The following DMD variants were observed in gnomAD, a reference collection of about 807,000 sequenced individuals.
DMD encodes dystrophin.
In DMD, 63 loss-of-function variants were observed where a neutral mutation model predicts 330.1. That is an observed-to-expected ratio of 0.19 (90% CI 0.16 to 0.24). DMD has a LOEUF of 0.24. Among genes scored for constraint, DMD ranks in the 10% least tolerant of loss-of-function variants. DMD has a pLI of 1.00. For synonymous variants in DMD, 1,223 were observed against 959.8 expected (o/e 1.27, Z -5.07); for missense variants, 3,344 against 2,684.1 (o/e 1.25, Z -5.43).
At chrX:32,342,725 A>T (rs915295541) in intron 40 of DMD, 18 of 271,243 alleles carry the variant, frequency 6.6e-5, no homozygotes, top group African/African-American at 4.2e-4. Flanking sequence ...ACAGAAAAAA[A>T]CATATTTAGA....
intron 34 of DMD, among the ~76,000 whole-genome samples, chrX:32,365,562 G>T (rs906929889): frequency 1.8e-5 from 2 of 111,189 alleles, no homozygotes; most frequent in African/African-American, 6.5e-5. Flanking sequence ...CTACAGTATG[G>T]TGCTACTGTA....
chrX:32,147,064 CAAT>C (rs1284666052), intron 44 of DMD, among the ~76,000 whole-genome samples: 3 of 111,666 alleles, frequency 2.7e-5, no homozygotes, highest in Admixed American at 1.9e-4. Context: ...TGATGTAAGT[CAAT>C]AATAATTCCT....
intron 7 of DMD, among the ~76,000 whole-genome samples, chrX:32,777,132 T>A (rs1334491526): frequency 1.9e-5 from 2 of 107,915 alleles, no homozygotes; most frequent in African/African-American, 6.8e-5. Flanking sequence ...TTAGATTTTC[T>A]CAATTAAAAA....
intron 2 of DMD, among the ~76,000 whole-genome samples, chrX:32,870,848 T>C (rs2082898440): frequency 9.2e-6 from 1 of 108,225 alleles, no homozygotes; most frequent in Non-Finnish European, 1.9e-5. Flanking sequence ...AGCAATACCA[T>C]TCAGGATATA....
At chrX:31,510,530 C>G (rs1269494713) in intron 55 of DMD, among the ~76,000 whole-genome samples, 1 of 73,106 alleles carries the variant, frequency 1.4e-5, no homozygotes, top group South Asian at 6.8e-4. Flanking sequence ...TTTTTTGAGA[C>G]AGAGTCTCGC....
intron 1 of DMD, among the ~76,000 whole-genome samples, chrX:33,156,625 G>A (rs2048519015): frequency 8.9e-6 from 1 of 111,857 alleles, no homozygotes; most frequent in Non-Finnish European, 1.9e-5. Flanking sequence ...AGGAAAGAAT[G>A]GGTGTTTCAA....
chrX:32,827,989 G>A (rs1351230604), intron 4 of DMD, among the ~76,000 whole-genome samples: 1 of 111,239 alleles, frequency 9.0e-6, no homozygotes, highest in African/African-American at 3.3e-5. Flanking sequence ...GAGAACATGT[G>A]ATATTTGGTT....
chrX:32,888,634 T>TAC (rs1203485591), intron 2 of DMD, among the ~76,000 whole-genome samples: 3 of 111,711 alleles, frequency 2.7e-5, no homozygotes, highest in Non-Finnish European at 5.6e-5. Flanking sequence ...AGAACTACCA[T>TAC]ACAATCCAGC....
chrX:31,189,421 C>T (rs777488374), intron 67 of DMD, among the ~76,000 whole-genome samples: 55 of 111,366 alleles, frequency 4.9e-4, no homozygotes, highest in Non-Finnish European at 9.2e-4. Context: ...AACGCATATC[C>T]GCAGGTTTCA....
At chrX:32,110,467 T>C (rs1312478956) in intron 44 of DMD, among the ~76,000 whole-genome samples, 1 of 112,135 alleles carries the variant, frequency 8.9e-6, no homozygotes, top group Admixed American at 9.5e-5. Flanking sequence ...ATAGTCAATG[T>C]TGAAGTCATA....
chrX:32,244,176 A>G (rs969773429), intron 43 of DMD, among the ~76,000 whole-genome samples: 1 of 95,397 alleles, frequency 1.0e-5, no homozygotes, highest in Non-Finnish European at 2.1e-5. Flanking sequence ...TCATTGTTCA[A>G]TTCCCACCCC....
intron 2 of DMD, among the ~76,000 whole-genome samples, chrX:32,923,910 T>C (rs1167669413): frequency 8.9e-6 from 1 of 111,770 alleles, no homozygotes; most frequent in Non-Finnish European, 1.9e-5. Context: ...CACTTTTAAT[T>C]ATAGAAAATG....
chrX:32,787,213 AGTGTGTGTGTGTGTGT>A (rs72078806), intron 7 of DMD, among the ~76,000 whole-genome samples: 2 of 83,378 alleles, frequency 2.4e-5, no homozygotes, highest in East Asian at 8.1e-4. Context: ...CTCTCTGTCA[AGTGTGTGTGTGTGTGT>A]GTGTGTGTGT....
Position 32,364,667 on chromosome X carries a change from T to A in DMD, c.5069A>T (p.His1690Leu), listed in dbSNP as rs2097848220. Residue 1690 changes from histidine (H) to leucine (L), a missense_variant, in exon 36 of 79, where the codon CAC becomes CTC. Physicochemically the swap from His to Leu is moderately conservative, Grantham distance 99 (BLOSUM62 -3). Transcript: ENST00000357033. ...AGCCTGAATGATCCACTTTGTGATGTGGTCCACATTCTGGTCAAAAGTTTC... is the reference window on the plus strand; with the variant it reads ...AGCCTGAATGATCCACTTTGTGATGAGGTCCACATTCTGGTCAAAAGTTTC... ...HMETFDQNVD[H>L]ITKWIIQADT... 1.7e-6 allele frequency: 2 copies of A among 1,209,795 alleles called. No individual in the cohort carries two copies. Among genetic ancestry groups the A allele is most frequent in the East Asian group, 5.9e-5 (2 of 33,771 alleles).
Position 31,190,968 on chromosome X carries a change from T to C in DMD, c.9808-8064A>G, listed in dbSNP as rs1049446774. Among the ~76,000 whole-genome samples the C allele has an allele frequency of 5.4e-5, 6 of 111,562 alleles. No homozygotes were observed. The East Asian group carries it at 1.7e-3, about 31-fold the overall frequency. ...ACTGCCGAAATGCCACACTCGTTCA[T>C]AAACTGAGGGTAGAGAGAGCAAAAG... On this transcript the variant is annotated intron_variant, in intron 67 of 78. Coordinates refer to ENST00000357033, the MANE Select transcript of DMD (RefSeq NM_004006.3).
chrX:31,476,397 G>GTGTGTATATATATA (rs796082098), intron 59 of DMD, among the ~76,000 whole-genome samples: 2 of 88,336 alleles, frequency 2.3e-5, no homozygotes, highest in African/African-American at 8.5e-5. Flanking sequence ...GTGTGTGTGT[G>GTGTGTATATATATA]TATATATATA....
intron 50 of DMD, among the ~76,000 whole-genome samples, chrX:31,789,458 G>A (rs938631646): frequency 9.0e-6 from 1 of 110,948 alleles, no homozygotes; most frequent in Admixed American, 9.6e-5. Context: ...AGCACATTGG[G>A]ATGTGAGAGT....
chrX:32,569,829 C>T (rs808570), intron 15 of DMD, among the ~76,000 whole-genome samples: 42,590 of 109,311 alleles, frequency 0.39, 7,095 homozygotes, highest in East Asian at 0.71. Flanking sequence ...CCCCAGCAAA[C>T]GCCAACAGTC....
exon 1 of DMD, chrX:33,339,368 T>C (rs771055050): frequency 3.3e-6 from 3 of 906,458 alleles, no homozygotes; most frequent in Non-Finnish European, 3.0e-6. Context: ...GTCATCTTCC[T>C]GAAAGCATTC....
Sources: allele counts gnomAD v4.1 joint callset (sites outside exome capture counted in the v4.1 genomes callset), GRCh38; gene constraint gnomAD v4.1.1; transcripts MANE v1.5; gene names NCBI Gene and HGNC (gene_info 2026-07-23, HGNC 2026-07-21).